Variants in PTPRT observed in about 807,000 individuals in gnomAD.
The protein encoded by PTPRT is protein tyrosine phosphatase receptor type T.
Under a neutral mutation model 176.8 loss-of-function variants are expected in PTPRT, and 56 were observed. The ratio of observed to expected loss-of-function variants is 0.32; its 90% CI spans 0.26 to 0.40. The LOEUF (loss-of-function observed/expected upper bound fraction) is 0.40, where lower values mean the gene tolerates loss of function less well. Among genes scored for constraint, PTPRT ranks in the 10% least tolerant of loss-of-function variants. The pLI, the probability that PTPRT is intolerant of heterozygous loss-of-function variation, is 1.00. For missense variants in PTPRT, 1,540 were observed against 1,908.2 expected (o/e 0.81, Z 3.60); for synonymous variants, 783 against 739.0 (o/e 1.06, Z -0.96).
At chr20:42,872,662 C>T (rs992847355) in intron 2 of PTPRT, among the ~76,000 whole-genome samples, 8 of 152,162 alleles carry the variant, frequency 5.3e-5, no homozygotes, top group Non-Finnish European at 8.8e-5. Flanking sequence ...TCATAAATTA[C>T]AAGTCAAAGA....
intron 9 of PTPRT, among the ~76,000 whole-genome samples, chr20:42,379,422 GTATAAC>G (rs2058679489): frequency 1.3e-5 from 2 of 152,208 alleles, no homozygotes; most frequent in Admixed American, 1.3e-4. Context: ...GAGTGCCTTG[GTATAAC>G]TATGACACCC....
Position 43,148,124 on chromosome 20 carries a change from G to A in PTPRT, c.88+41522C>T, listed in dbSNP as rs901984743. On this transcript the variant is annotated intron_variant, in intron 1 of 30. Coordinates refer to ENST00000373187, the MANE Select transcript of PTPRT (RefSeq NM_007050.6). ...CATACCCTGGGCTGGTTGGGTGGGGGGATCTGCCTCCATGTTTAACCTCAT... is the reference window on the plus strand; with the variant it reads ...CATACCCTGGGCTGGTTGGGTGGGGAGATCTGCCTCCATGTTTAACCTCAT... 2.6e-5 allele frequency among the ~76,000 whole-genome samples: 4 copies of A among 152,034 alleles called. No homozygotes were observed. In the East Asian group the frequency reaches 7.7e-4, roughly 29 times the overall value.
intron 2 of PTPRT, among the ~76,000 whole-genome samples, chr20:42,813,498 T>A (rs1032619883): frequency 6.6e-6 from 1 of 151,958 alleles, no homozygotes; most frequent in Non-Finnish European, 1.5e-5. Context: ...AAATTAGTAT[T>A]TGTGGTATGC....
chr20:42,290,712 T>A (rs144851672), intron 12 of PTPRT, among the ~76,000 whole-genome samples: 1 of 152,226 alleles, frequency 6.6e-6, no homozygotes, highest in African/African-American at 2.4e-5. Flanking sequence ...ATGCCTCATA[T>A]CTGTATCTAC....
At chr20:42,297,376 C>T (rs1205043200) in intron 12 of PTPRT, among the ~76,000 whole-genome samples, 1 of 152,118 alleles carries the variant, frequency 6.6e-6, no homozygotes, top group African/African-American at 2.4e-5. Flanking sequence ...TTACAGCACC[C>T]ATGAAAGATA....
intron 2 of PTPRT, among the ~76,000 whole-genome samples, chr20:42,804,105 G>A (rs899990775): frequency 2.0e-5 from 3 of 152,214 alleles, no homozygotes; most frequent in African/African-American, 7.2e-5. Context: ...ACTAGGATAT[G>A]TCCATCAACT....
intron 1 of PTPRT, among the ~76,000 whole-genome samples, chr20:42,977,893 C>A (rs146686907): frequency 7.9e-5 from 12 of 152,196 alleles, no homozygotes; most frequent in Admixed American, 7.9e-4. Flanking sequence ...CTAATAAATT[C>A]GTGGGAATGG....
intron 15 of PTPRT, among the ~76,000 whole-genome samples, chr20:42,223,290 T>C (rs1433777139): frequency 7.2e-5 from 11 of 152,230 alleles, no homozygotes. Flanking sequence ...TCTTATGCTG[T>C]CCTGGTAAAT....
intron 1 of PTPRT, among the ~76,000 whole-genome samples, chr20:42,979,217 AAAC>A (rs1329209907): frequency 1.3e-5 from 2 of 152,192 alleles, no homozygotes; most frequent in African/African-American, 4.8e-5. Context: ...GTTGTAAGAA[AAAC>A]AACTCATTTT....
chr20:43,177,903 A>T (rs1274444358), intron 1 of PTPRT, among the ~76,000 whole-genome samples: 2 of 152,208 alleles, frequency 1.3e-5, no homozygotes, highest in African/African-American at 4.8e-5. Context: ...TTCCAACAAA[A>T]ATGGTGTTCA....
chr20:42,138,401 T>C (rs570428626), intron 18 of PTPRT, among the ~76,000 whole-genome samples: 41 of 152,318 alleles, frequency 2.7e-4, no homozygotes, highest in African/African-American at 8.7e-4. Flanking sequence ...TCATCTCTCT[T>C]TGGGTCCTGG....
chr20:42,448,371 A>T (rs768386938), intron 8 of PTPRT, 42 bp from the exon 9 acceptor site: 33 of 1,452,852 alleles, frequency 2.3e-5, no homozygotes, highest in Non-Finnish European at 2.9e-5. Context: ...CACCTTCCAC[A>T]TCATTTCTCC....
chr20:42,221,108 AT>A (rs1384823692), intron 15 of PTPRT, among the ~76,000 whole-genome samples: 1 of 152,136 alleles, frequency 6.6e-6, no homozygotes, highest in East Asian at 1.9e-4. Context: ...TCAAGAAGCA[AT>A]TCTCCTACCT....
Position 43,189,673 on chromosome 20 carries a change from G to C in PTPRT, c.61C>G (p.Pro21Ala). 6 of 1,318,816 alleles carry C rather than the reference G, an allele frequency of 4.5e-6. No individual in the cohort carries two copies. Among genetic ancestry groups the C allele is most frequent in the Non-Finnish European group, 5.8e-6 (6 of 1,035,490 alleles). The allele number at this position is 1,318,816 out of a possible 1,614,324, so 81.7% of individuals were successfully genotyped here. ...GCGGCGCTCTGAGCCCGGGCGCCGG[G>C]CAGTGGCGGCAGCTGCAGCCTCAGG... ...LLLRLQLPPLPGARAQSAAGG... is the reference protein window; with the variant it reads ...LLLRLQLPPLAGARAQSAAGG... Residue 21 changes from proline to alanine, a missense_variant, in exon 1 of 31, where the codon CCC (proline) becomes GCC (alanine). Physicochemically the swap from Pro to Ala is conservative, Grantham distance 27. Around this residue, in one of 11 missense-constraint regions of PTPRT, gnomAD observed 116 missense variants for 118.5 expected, o/e 0.98. Transcript: ENST00000373187. This position sits in a 1 kb window ranked among gnomAD's most constrained non-coding sequence, Gnocchi z 5.0.
At chr20:42,405,342 A>G (rs539197456) in intron 9 of PTPRT, among the ~76,000 whole-genome samples, 4 of 151,566 alleles carry the variant, frequency 2.6e-5, no homozygotes, top group Non-Finnish European at 4.4e-5. Context: ...TCCCTCCCCA[A>G]TTTCCCCACC....
At chr20:42,900,940 T>C (rs1367072225) in intron 1 of PTPRT, among the ~76,000 whole-genome samples, 1 of 152,152 alleles carries the variant, frequency 6.6e-6, no homozygotes, top group Admixed American at 6.5e-5. Flanking sequence ...CTAGACTTGC[T>C]GGCTCCTTGC....
chr20:42,919,003 G>T (rs1272596103), intron 1 of PTPRT, among the ~76,000 whole-genome samples: 2 of 152,166 alleles, frequency 1.3e-5, no homozygotes, highest in African/African-American at 4.8e-5. Flanking sequence ...CATAGCAAAG[G>T]ACATCAGCTT....
At chr20:42,883,820 G>GCA (rs1286382218) in intron 2 of PTPRT, among the ~76,000 whole-genome samples, 5 of 40,272 alleles carry the variant, frequency 1.2e-4, no homozygotes, top group Admixed American at 3.6e-4. Flanking sequence ...ACCCCCATAT[G>GCA]CACACACACA....
intron 1 of PTPRT, among the ~76,000 whole-genome samples, chr20:43,036,507 A>C (rs561623565): frequency 1.9e-4 from 28 of 150,902 alleles, no homozygotes; most frequent in African/African-American, 6.6e-4. Context: ...GTTTTGTAGG[A>C]TGTAGGGTGG....
Sources: gnomAD v4.1 joint callset for allele counts (sites outside exome capture counted in the v4.1 genomes callset) on GRCh38, gnomAD v4.1.1 for gene constraint, gnomAD v4.1.1 regional missense constraint, Gnocchi (gnomAD v3.1) non-coding constraint, MANE v1.5 for transcripts, NCBI Gene and HGNC (gene_info 2026-07-23, HGNC 2026-07-21) for gene names.